Variants in ITM2C observed in about 807,000 individuals in gnomAD.
The protein encoded by ITM2C is BRICHOS domain containing 2C.
A neutral mutation model predicts 30.0 loss-of-function variants in ITM2C; 20 were observed. The observed-to-expected ratio is 0.67, with a 90% CI of 0.47 to 0.97. ITM2C has a LOEUF of 0.97. Among genes scored for constraint, ITM2C ranks in the 50% least tolerant of loss-of-function variants. The pLI is 0.00. For missense variants in ITM2C, 366 were observed against 371.9 expected (o/e 0.98, Z 0.13); for synonymous variants, 167 against 156.4 (o/e 1.07, Z -0.51).
Position 230,876,909 on chromosome 2 carries a change from T to C in ITM2C, c.503T>C (p.Leu168Pro). Reference sequence around the variant, plus strand: ...CTGGACAAGTGCTATGTCATCGAACTCAACACCACCATTGTGCTGCCCCCT... The same window carrying C: ...CTGGACAAGTGCTATGTCATCGAACCCAACACCACCATTGTGCTGCCCCCT... ...ISLDKCYVIE[L>P]NTTIVLPPRN... The change falls in exon 4 of 6, where the codon CTC (leucine) becomes CCC (proline). Residue 168 changes from leucine (L) to proline (P), a missense_variant. Leu to Pro is a moderately conservative substitution (Grantham distance 98). Coordinates refer to ENST00000326427, the MANE Select transcript of ITM2C (RefSeq NM_030926.6). 6.2e-7 allele frequency: 1 copy of C among 1,614,090 alleles called. No individual in the cohort carries two copies. The highest frequency in any genetic ancestry group is 1.1e-5 in the South Asian group (1 of 91,082).
chr2:230,866,017 G>T (rs1001279224), intron 1 of ITM2C, among the ~76,000 whole-genome samples: 74 of 149,006 alleles, frequency 5.0e-4, no homozygotes, highest in Admixed American at 1.3e-3. Context: ...CTCTGGCCGG[G>T]GGGGAGAGAA....
chr2:230,875,539 C>T lies in ITM2C; in HGVS notation c.262-81C>T, dbSNP rs112163788. ...GCAGGCTTTTGGGGCATGTAGCGGA[C>T]GGGTAGGCAAGAGGGGGCCTTACGG... On this transcript the variant is annotated intron_variant, in intron 2 of 5. Transcript: ENST00000326427. The T allele has an allele frequency of 6.8e-5, 86 of 1,256,998 alleles. 2 individuals are homozygous for T. Among genetic ancestry groups the T allele is most frequent in the Middle Eastern group, 5.5e-4 (2 of 3,648 alleles). The allele number at this position is 1,256,998 out of a possible 1,614,324, so 77.9% of individuals were successfully genotyped here. A position where few individuals can be genotyped will look rare whatever the true frequency, so the allele number is the denominator to read the frequency against.
intron 1 of ITM2C, among the ~76,000 whole-genome samples, chr2:230,866,762 C>T (rs1287213374): frequency 6.6e-6 from 1 of 152,192 alleles, no homozygotes; most frequent in Admixed American, 6.5e-5. Flanking sequence ...GGGCAGGAGG[C>T]AGCACGCTTG....
At chr2:230,874,994 C>T (rs112500201) in intron 2 of ITM2C, among the ~76,000 whole-genome samples, 8 of 152,260 alleles carry the variant, frequency 5.3e-5, no homozygotes, top group Admixed American at 2.0e-4. Flanking sequence ...TGGAGGTAAC[C>T]GTGATAGGGG....
rs553386380 is a variant in ITM2C, at chr2:230,877,988, G to T, written c.713-20G>T. ...CAGCCAGGATGCAGGGCTCACTGGG[G>T]TTTTTCTTTTTCCTCCCAGGGATCA... is the stretch of plus-strand genomic sequence containing the variant. On this transcript the variant is annotated intron_variant, in intron 5 of 5. Transcript: ENST00000326427. This position sits in a 1 kb window ranked among gnomAD's most constrained non-coding sequence, Gnocchi z 4.8. The T allele has an allele frequency of 3.7e-6, 6 of 1,607,280 alleles. No homozygotes were observed. Among genetic ancestry groups the T allele is most frequent in the Admixed American group, 1.7e-5 (1 of 59,904 alleles).
At chr2:230,871,822 T>C (rs1697172961) in intron 1 of ITM2C, among the ~76,000 whole-genome samples, 1 of 152,234 alleles carries the variant, frequency 6.6e-6, no homozygotes, top group Admixed American at 6.5e-5. Context: ...TTTCTGTCCT[T>C]TTCCTAAGCA....
chr2:230,865,084 AGGCGTC>A lies in ITM2C; in HGVS notation c.69_74del (p.Ser24_Ala25del), dbSNP rs1559153462. On this transcript the variant is annotated inframe_deletion, in exon 1 of 6. Transcript: ENST00000326427. The surrounding 1 kb of genome is among the most constrained non-coding windows in gnomAD (Gnocchi z 6.8). The stretch of plus-strand genomic sequence containing the variant: ...GGCATCAAGGGCGACAAGGCTGACA[AGGCGTC>A]GGCGTCGGCCCCTGCGCCGGCCTCG... 6.5e-7 allele frequency: 1 copy of A among 1,535,432 alleles called. No individual in the cohort carries two copies. The highest frequency in any genetic ancestry group is 8.8e-7 in the Non-Finnish European group (1 of 1,138,334).
Position 230,865,059 on chromosome 2 carries a change from G to T in ITM2C, c.34G>T (p.Gly12Cys). The change falls in exon 1 of 6, where the codon GGC (glycine) becomes TGC (cysteine). Residue 12 changes from glycine to cysteine, a missense_variant. By Grantham distance (159) the Gly-to-Cys change is radical. Transcript: ENST00000326427. The surrounding 1 kb of genome is among the most constrained non-coding windows in gnomAD (Gnocchi z 6.8). ...VKISFQPAVA[G>C]IKGDKADKAS... Reference sequence around the variant, plus strand: ...GATTAGCTTCCAGCCCGCCGTGGCTGGCATCAAGGGCGACAAGGCTGACAA... The same window carrying T: ...GATTAGCTTCCAGCCCGCCGTGGCTTGCATCAAGGGCGACAAGGCTGACAA... 6.5e-7 allele frequency: 1 copy of T among 1,528,678 alleles called. No homozygotes were observed. The allele number at this position is 1,528,678 out of a possible 1,614,324, so 94.7% of individuals were successfully genotyped here.
intron 3 of ITM2C, 23 bp downstream of exon 3, chr2:230,875,831 G>T (rs1349196246): frequency 2.9e-5 from 12 of 410,536 alleles, no homozygotes; most frequent in East Asian, 1.4e-4. Context: ...AGGGCCTGGG[G>T]GTGGGGGGTG....
chr2:230,875,579 C>CA (rs1553537796), intron 2 of ITM2C, 41 bp from the exon 3 acceptor site: 1 of 1,552,284 alleles, frequency 6.4e-7, no homozygotes, highest in Non-Finnish European at 8.7e-7. Context: ...CGTGTATGAC[C>CA]AGCCTCTCTG....
chr2:230,877,355 A>T lies in ITM2C; in HGVS notation c.562-45A>T. The T allele has an allele frequency of 6.2e-7, 1 of 1,604,004 alleles. No homozygotes were observed. Among genetic ancestry groups the T allele is most frequent in the Non-Finnish European group, 8.5e-7 (1 of 1,173,548 alleles). On this transcript the variant is annotated intron_variant, in intron 4 of 5. Coordinates refer to ENST00000326427, the MANE Select transcript of ITM2C (RefSeq NM_030926.6). This position sits in a 1 kb window ranked among gnomAD's most constrained non-coding sequence, Gnocchi z 4.8. The stretch of plus-strand genomic sequence containing the variant: ...GCATTTCGGGCGAGGGGTTGGACGA[A>T]AGCCTGAGGGGCCGACTCACTGTGG...
upstream of ITM2C, chr2:230,864,834 A>C: frequency 1.8e-6 from 1 of 547,206 alleles, no homozygotes; most frequent in Non-Finnish European, 2.6e-6. The surrounding 1 kb of genome is among the most constrained non-coding windows in gnomAD (Gnocchi z 4.3). Flanking sequence ...CGCGGGCGGG[A>C]AGGGGGCGCA....
In ITM2C at chr2:230,876,843, C is replaced by T. The variant is rs374001099; in HGVS notation, c.451-14C>T. 6.4e-5 allele frequency: 102 copies of T among 1,586,946 alleles called. No homozygotes were observed. Among genetic ancestry groups the T allele is most frequent in the Non-Finnish European group, 8.6e-5 (99 of 1,155,822 alleles). On this transcript the variant is annotated splice_polypyrimidine_tract_variant and intron_variant, in intron 3 of 5. Coordinates refer to ENST00000326427, the MANE Select transcript of ITM2C (RefSeq NM_030926.6). Reference sequence around the variant, plus strand: ...ACCTCCTGCAGAGACTGACCCAACCCCTTCTCCTGCCAGGGTCTGACTGCG... The same window carrying T: ...ACCTCCTGCAGAGACTGACCCAACCTCTTCTCCTGCCAGGGTCTGACTGCG...
intron 1 of ITM2C, among the ~76,000 whole-genome samples, chr2:230,870,307 T>C (rs530424895): frequency 1.3e-5 from 2 of 152,374 alleles, no homozygotes; most frequent in Admixed American, 1.3e-4. Flanking sequence ...TGGGGCTTTA[T>C]GGAGGAAATG....
Position 230,878,094 on chromosome 2 carries a change from G to C in ITM2C, c.799G>C (p.Val267Leu). The stretch of plus-strand genomic sequence containing the variant: ...GGTGGAGACGCTCATCTGCGGGGTG[G>C]TGTGAGGCCCTCCTCCCCCAGAACC... ...FVVETLICGVV is the reference protein window; with the variant it reads ...FVVETLICGVL Residue 267 changes from valine to leucine, a missense_variant, in exon 6 of 6, where the codon GTG becomes CTG. By Grantham distance (32) the Val-to-Leu change is conservative (BLOSUM62 1). Coordinates refer to ENST00000326427, the MANE Select transcript of ITM2C (RefSeq NM_030926.6). This position sits in a 1 kb window ranked among gnomAD's most constrained non-coding sequence, Gnocchi z 4.5. 6 of 1,583,676 alleles carry C rather than the reference G, an allele frequency of 3.8e-6. No individual in the cohort carries two copies. The highest frequency in any genetic ancestry group is 5.2e-6 in the Non-Finnish European group (6 of 1,162,844).
At chr2:230,866,417 G>A (rs1373367569) in intron 1 of ITM2C, among the ~76,000 whole-genome samples, 2 of 151,918 alleles carry the variant, frequency 1.3e-5, no homozygotes, top group Admixed American at 1.3e-4. Context: ...AGGGGGCGCC[G>A]GAGAGGGCCG....
chr2:230,864,937 C>T, upstream of ITM2C: 4 of 1,283,478 alleles, frequency 3.1e-6, no homozygotes, highest in Non-Finnish European at 4.0e-6. The surrounding 1 kb of genome is among the most constrained non-coding windows in gnomAD (Gnocchi z 4.3). Flanking sequence ...ATCCAAACTT[C>T]CGGTGCCTGC....
chr2:230,875,458 G>A (rs368567093), intron 2 of ITM2C, among the ~76,000 whole-genome samples, 162 bp from the exon 3 acceptor site: 2 of 152,148 alleles, frequency 1.3e-5, no homozygotes, highest in Non-Finnish European at 2.9e-5. Flanking sequence ...ATGCCCCACC[G>A]TCTCAGTTTC....
intron 3 of ITM2C, among the ~76,000 whole-genome samples, chr2:230,876,621 A>G (rs929655615): frequency 6.6e-6 from 1 of 152,172 alleles, no homozygotes; most frequent in East Asian, 1.9e-4. Flanking sequence ...AGCTGGGACT[A>G]CAGGTGCCCA....
Sources: gnomAD v4.1 joint callset for allele counts (sites outside exome capture counted in the v4.1 genomes callset) on GRCh38, gnomAD v4.1.1 for gene constraint, Gnocchi (gnomAD v3.1) non-coding constraint, MANE v1.5 for transcripts, NCBI Gene and HGNC (gene_info 2026-07-23, HGNC 2026-07-21) for gene names.